The following PRKCA variants were observed in gnomAD, a reference collection of about 807,000 sequenced individuals.
The protein encoded by PRKCA is protein kinase C alpha.
A neutral mutation model predicts 87.0 loss-of-function variants in PRKCA; 27 were observed. That is an observed-to-expected ratio of 0.31 (90% CI 0.23 to 0.43). The LOEUF is 0.43. Among genes scored for constraint, PRKCA ranks in the 20% least tolerant of loss-of-function variants. The pLI is 1.00. For synonymous variants in PRKCA, 329 were observed against 311.1 expected, an observed-to-expected ratio of 1.06 and a Z score of -0.61; for missense variants, 518 against 852.3, an observed-to-expected ratio of 0.61 and a Z score of 4.88.
At position 66,657,792 on chromosome 17, in the gene PRKCA, A is replaced by G. The variant is rs150068446; in HGVS notation, c.529+12281A>G. On this transcript the variant is annotated intron_variant, in intron 5 of 16. Coordinates refer to ENST00000413366, the MANE Select transcript of PRKCA (RefSeq NM_002737.3). ...AGTCTGTTTCAATCCCTCCCACCCC[A>G]ATATGGCAGGGACTCTGTTATCCTT... is the stretch of plus-strand genomic sequence containing the variant. 3.4e-3 allele frequency among the ~76,000 whole-genome samples: 520 copies of G among 152,236 alleles called. 7 individuals are homozygous for G. The highest frequency in any genetic ancestry group is 0.012 in the African/African-American group (504 of 41,538).
At chr17:66,709,235 A>C (rs1973259496) in intron 8 of PRKCA, among the ~76,000 whole-genome samples, 1 of 149,450 alleles carries the variant, frequency 6.7e-6, no homozygotes, top group Non-Finnish European at 1.5e-5. Flanking sequence ...GATTACCCCT[A>C]TGAATCCTTG....
intron 16 of PRKCA, among the ~76,000 whole-genome samples, chr17:66,794,166 CA>C (rs1975608848): frequency 6.6e-6 from 1 of 152,142 alleles, no homozygotes; most frequent in Admixed American, 6.5e-5. Flanking sequence ...AGTGGTTAGG[CA>C]GAGCACATTG....
chr17:66,585,017 A>G (rs1367340979), intron 3 of PRKCA, among the ~76,000 whole-genome samples: 7 of 150,466 alleles, frequency 4.7e-5, no homozygotes, highest in Non-Finnish European at 7.4e-5. Flanking sequence ...CTTCAGAGAG[A>G]GAGGGGCTCC....
At chr17:66,769,689 G>T (rs1974889497) in intron 13 of PRKCA, among the ~76,000 whole-genome samples, 1 of 152,136 alleles carries the variant, frequency 6.6e-6, no homozygotes, top group Non-Finnish European at 1.5e-5. Context: ...TAGGAGCAAG[G>T]TGTGTGAGAC....
intron 2 of PRKCA, among the ~76,000 whole-genome samples, chr17:66,467,400 C>T (rs981390990): frequency 6.6e-6 from 1 of 152,180 alleles, no homozygotes; most frequent in Non-Finnish European, 1.5e-5. Flanking sequence ...TCAGTTTCCT[C>T]ATCTGTAAAT....
intron 3 of PRKCA, among the ~76,000 whole-genome samples, chr17:66,551,653 T>C (rs1968335677): frequency 6.6e-6 from 1 of 152,190 alleles, no homozygotes; most frequent in Non-Finnish European, 1.5e-5. Context: ...GGGGGGATAT[T>C]GTTTGAACAC....
chr17:66,313,863 T>G (rs546955203), intron 2 of PRKCA, among the ~76,000 whole-genome samples: 1 of 152,212 alleles, frequency 6.6e-6, no homozygotes, highest in East Asian at 1.9e-4. Context: ...AGCTTTGGAG[T>G]GAAACAGCTG....
chr17:66,747,436 T>C (rs1974319613), intron 13 of PRKCA, among the ~76,000 whole-genome samples: 1 of 152,220 alleles, frequency 6.6e-6, no homozygotes, highest in South Asian at 2.1e-4. Flanking sequence ...TGGCGGGGGC[T>C]ACGTTAGACC....
chr17:66,477,128 A>G (rs1465316942), intron 2 of PRKCA, among the ~76,000 whole-genome samples: 2 of 152,088 alleles, frequency 1.3e-5, no homozygotes, highest in Non-Finnish European at 2.9e-5. Flanking sequence ...CCCATTAGAA[A>G]CCACTTGGGA....
chr17:66,433,341 C>G (rs1913197807), intron 2 of PRKCA, among the ~76,000 whole-genome samples: 1 of 152,176 alleles, frequency 6.6e-6, no homozygotes, highest in Non-Finnish European at 1.5e-5. Flanking sequence ...AAATTACCTC[C>G]ACTGAAGTTT....
chr17:66,762,359 A>G lies in PRKCA; in HGVS notation c.1525-11628A>G, dbSNP rs1011984155. On this transcript the variant is annotated intron_variant, in intron 13 of 16. Transcript: ENST00000413366. ...AGCACATTTTAATACACATAATGCC[A>G]TTTAATCCCCACCACCTGCTTGTCA... Among the ~76,000 whole-genome samples, 7 of 152,298 alleles carry G rather than the reference A, an allele frequency of 4.6e-5. 1 individual carries two copies. Among genetic ancestry groups the G allele is most frequent in the Admixed American group, 3.9e-4 (6 of 15,304 alleles).
chr17:66,677,255 A>T (rs1972363266), intron 5 of PRKCA: 1 of 151,864 alleles, frequency 6.6e-6, no homozygotes, highest in South Asian at 2.1e-4. Context: ...AATTATTTGT[A>T]TTTTAATAGA....
intron 14 of PRKCA, chr17:66,775,845 T>C: frequency 1.2e-6 from 1 of 842,672 alleles, no homozygotes; most frequent in Non-Finnish European, 1.4e-6. Flanking sequence ...AGCTTACAGC[T>C]TAGAGGAGGA....
At chr17:66,430,802 A>G (rs758725533) in intron 2 of PRKCA, among the ~76,000 whole-genome samples, 1 of 152,188 alleles carries the variant, frequency 6.6e-6, no homozygotes, top group African/African-American at 2.4e-5. Context: ...GCCAAGTGAT[A>G]GGATGCAGAG....
chr17:66,692,045 C>T (rs1220365869), intron 8 of PRKCA, among the ~76,000 whole-genome samples: 1 of 152,222 alleles, frequency 6.6e-6, no homozygotes, highest in Non-Finnish European at 1.5e-5. Flanking sequence ...TCAGAGGCCG[C>T]AGGGCTGTTG....
At chr17:66,580,127 T>C (rs938780841) in intron 3 of PRKCA, among the ~76,000 whole-genome samples, 1 of 152,218 alleles carries the variant, frequency 6.6e-6, no homozygotes, top group Non-Finnish European at 1.5e-5. Context: ...CATTGGGTAA[T>C]TTAACTTTTC....
intron 8 of PRKCA, among the ~76,000 whole-genome samples, chr17:66,697,762 C>A (rs1381764059): frequency 6.6e-6 from 1 of 152,176 alleles, no homozygotes; most frequent in East Asian, 1.9e-4. Context: ...CTGCTTGAGA[C>A]ACCTCATCTA....
chr17:66,758,132 T>G (rs917109541), intron 13 of PRKCA, among the ~76,000 whole-genome samples: 1 of 152,186 alleles, frequency 6.6e-6, no homozygotes, highest in Non-Finnish European at 1.5e-5. Flanking sequence ...CATAGCCCCC[T>G]GCACCAGCCG....
chr17:66,429,026 G>C (rs1912963168), intron 2 of PRKCA, among the ~76,000 whole-genome samples: 1 of 151,960 alleles, frequency 6.6e-6, no homozygotes, highest in African/African-American at 2.4e-5. Flanking sequence ...AGATCTTTGG[G>C]GGTGATAAAG....
Sources: gnomAD v4.1 joint callset for allele counts (sites outside exome capture counted in the v4.1 genomes callset) on GRCh38, gnomAD v4.1.1 for gene constraint, MANE v1.5 for transcripts, NCBI Gene and HGNC (gene_info 2026-07-23, HGNC 2026-07-21) for gene names.